CDYL: variants seen among roughly 807,000 people sequenced by gnomAD.
CDYL encodes the protein chromodomain Y-like protein.
CDYL carries 8 observed loss-of-function variants against 47.3 expected under a neutral mutation model. The observed-to-expected ratio is 0.17, with a 90% CI of 0.10 to 0.31. The LOEUF (loss-of-function observed/expected upper bound fraction) is 0.31, where lower values mean the gene tolerates loss of function less well. CDYL is among the 10% of genes least tolerant of loss of function. The pLI, the probability that CDYL is intolerant of heterozygous loss-of-function variation, is 1.00. For missense variants in CDYL, 471 were observed against 701.4 expected, an observed-to-expected ratio of 0.67 and a Z score of 3.71; for synonymous variants, 266 against 265.0, an observed-to-expected ratio of 1.00 and a Z score of -0.04.
At chr6:4,789,948 C>T (rs1416847584) in intron 1 of CDYL, among the ~76,000 whole-genome samples, 1 of 152,164 alleles carries the variant, frequency 6.6e-6, no homozygotes, top group Non-Finnish European at 1.5e-5. Flanking sequence ...CCCTTTATGC[C>T]TTTGTGCTCC....
At chr6:4,787,343 G>C (rs1391634528) in intron 1 of CDYL, among the ~76,000 whole-genome samples, 1 of 152,102 alleles carries the variant, frequency 6.6e-6, no homozygotes, top group Admixed American at 6.5e-5. Context: ...AGAATCATTT[G>C]GCACGCCATC....
chr6:4,879,936 T>C (rs181420747), intron 1 of CDYL, among the ~76,000 whole-genome samples: 2 of 152,140 alleles, frequency 1.3e-5, no homozygotes, highest in African/African-American at 4.8e-5. Flanking sequence ...AATAGAGATT[T>C]CCCTATACCC....
intron 5 of CDYL, among the ~76,000 whole-genome samples, chr6:4,949,536 G>A (rs1266824099): frequency 6.6e-6 from 1 of 152,148 alleles, no homozygotes; most frequent in African/African-American, 2.4e-5. Context: ...ATGGTTCCAG[G>A]ATAACTTTCT....
chr6:4,900,449 C>T (rs1013678945), intron 2 of CDYL, among the ~76,000 whole-genome samples: 3 of 152,072 alleles, frequency 2.0e-5, no homozygotes, highest in Non-Finnish European at 4.4e-5. Context: ...TTTATACACA[C>T]ATACACATAT....
rs576749164 is a variant in CDYL, at chr6:4,930,549, G to T, written c.692-4966G>T. Among the ~76,000 whole-genome samples the T allele has an allele frequency of 3.3e-5, 5 of 152,252 alleles. No individual in the cohort carries two copies. In the East Asian group the frequency reaches 9.7e-4, roughly 29 times the overall value. On this transcript the variant is annotated intron_variant, in intron 2 of 6. Coordinates refer to ENST00000397588, the MANE Select transcript of CDYL (RefSeq NM_004824.4). ...GGGAACATTGCCCTGCACAGCCTGTGGTCCAGTGCCTGCAAACAGTTGTTA... is the reference window on the plus strand; with the variant it reads ...GGGAACATTGCCCTGCACAGCCTGTTGTCCAGTGCCTGCAAACAGTTGTTA...
At chr6:4,775,617 A>AGCCGCGCCCTCGCGCCGCCCTCC (rs1226066322), upstream of CDYL, among the ~76,000 whole-genome samples, 1 of 151,430 alleles carries the variant, frequency 6.6e-6, no homozygotes, top group Non-Finnish European at 1.5e-5. This position sits in a 1 kb window ranked among gnomAD's most constrained non-coding sequence, Gnocchi z 7.0. Context: ...GAGCGGAGGC[A>AGCCGCGCCCTCGCGCCGCCCTCC]GCCGCGCCCT....
chr6:4,790,331 G>C (rs1015520981), intron 1 of CDYL, among the ~76,000 whole-genome samples: 2 of 152,222 alleles, frequency 1.3e-5, no homozygotes, highest in Non-Finnish European at 2.9e-5. Context: ...TTTGCATGCT[G>C]TATAAAAGCT....
intron 2 of CDYL, among the ~76,000 whole-genome samples, chr6:4,720,906 T>G (rs1757356505): frequency 6.6e-6 from 1 of 152,212 alleles, no homozygotes; most frequent in African/African-American, 2.4e-5. Flanking sequence ...TATCATTTAA[T>G]AAACATATTG....
intron 1 of CDYL, among the ~76,000 whole-genome samples, chr6:4,785,714 G>T (rs560190941): frequency 6.6e-6 from 1 of 152,360 alleles, no homozygotes; most frequent in South Asian, 2.1e-4. Context: ...CTGGACAACA[G>T]CTCTGGGTCT....
chr6:4,922,258 T>G (rs1273576186), intron 2 of CDYL, among the ~76,000 whole-genome samples: 1 of 152,120 alleles, frequency 6.6e-6, no homozygotes, highest in Non-Finnish European at 1.5e-5. Flanking sequence ...TGCCTCAGTA[T>G]CTGTGTCTCT....
At chr6:4,905,499 G>A (rs911359699) in intron 2 of CDYL, among the ~76,000 whole-genome samples, 14 of 152,304 alleles carry the variant, frequency 9.2e-5, no homozygotes, top group African/African-American at 2.9e-4. Flanking sequence ...GCTTAATTCC[G>A]CAGGGGCAGT....
At chr6:4,856,883 ACT>A (rs904919934) in intron 1 of CDYL, among the ~76,000 whole-genome samples, 5 of 152,018 alleles carry the variant, frequency 3.3e-5, no homozygotes, top group Admixed American at 3.3e-4. Flanking sequence ...TGAAAGAGAA[ACT>A]CTAACCTGAC....
At chr6:4,870,677 A>C (rs1761446825) in intron 1 of CDYL, among the ~76,000 whole-genome samples, 2 of 151,828 alleles carry the variant, frequency 1.3e-5, no homozygotes, top group Admixed American at 1.3e-4. Flanking sequence ...CCACTCTCTG[A>C]GGTTTCGTTT....
intron 5 of CDYL, among the ~76,000 whole-genome samples, chr6:4,945,494 C>T (rs1758485034): frequency 6.6e-6 from 1 of 152,126 alleles, no homozygotes; most frequent in South Asian, 2.1e-4. Flanking sequence ...CTTCAGCAGC[C>T]GCCCAAATGC....
intron 3 of CDYL, among the ~76,000 whole-genome samples, chr6:4,936,245 G>C (rs938772772): frequency 6.6e-6 from 1 of 152,150 alleles, no homozygotes; most frequent in Non-Finnish European, 1.5e-5. Context: ...ATACTCCTCA[G>C]CGGTTGTAGC....
At chr6:4,831,262 G>T (rs1019118207) in intron 1 of CDYL, among the ~76,000 whole-genome samples, 2 of 152,146 alleles carry the variant, frequency 1.3e-5, no homozygotes, top group South Asian at 2.1e-4. Context: ...TGTATAAGGT[G>T]TAAGGAAGGG....
chr6:4,878,273 C>T (rs1292587117), intron 1 of CDYL, among the ~76,000 whole-genome samples: 1 of 151,864 alleles, frequency 6.6e-6, no homozygotes, highest in Non-Finnish European at 1.5e-5. Flanking sequence ...GAAATAGTCT[C>T]TCATTTTCTG....
chr6:4,759,265 G>A (rs1042926340), intron 3 of CDYL, among the ~76,000 whole-genome samples: 5 of 151,982 alleles, frequency 3.3e-5, no homozygotes, highest in East Asian at 1.9e-4. Flanking sequence ...CACCGCGCCC[G>A]GCCAATCACA....
At chr6:4,950,558 G>A (rs912948430) in intron 5 of CDYL, among the ~76,000 whole-genome samples, 7 of 152,294 alleles carry the variant, frequency 4.6e-5, no homozygotes, top group Middle Eastern at 3.4e-3. Context: ...GTCGGGTCGC[G>A]TTTCTAAATC....
Sources: allele counts gnomAD v4.1 joint callset (sites outside exome capture counted in the v4.1 genomes callset), GRCh38; gene constraint gnomAD v4.1.1; non-coding constraint Gnocchi (gnomAD v3.1); transcripts MANE v1.5; gene names NCBI Gene and HGNC (gene_info 2026-07-23, HGNC 2026-07-21).